Variants in PRKCB observed in about 807,000 individuals in gnomAD.
The protein encoded by PRKCB is protein kinase C beta type.
A neutral mutation model predicts 81.5 loss-of-function variants in PRKCB; 13 were observed. The ratio of observed to expected loss-of-function variants is 0.16; its 90% CI spans 0.10 to 0.25. PRKCB has a LOEUF of 0.25. PRKCB is among the 10% of genes least tolerant of loss of function. The pLI is 1.00. For missense variants in PRKCB, 509 were observed against 875.7 expected, an observed-to-expected ratio of 0.58 and a Z score of 5.29; for synonymous variants, 335 against 321.4, an observed-to-expected ratio of 1.04 and a Z score of -0.45.
chr16:23,880,733 C>T (rs1447655166), intron 2 of PRKCB, among the ~76,000 whole-genome samples: 1 of 151,852 alleles, frequency 6.6e-6, no homozygotes, highest in African/African-American at 2.4e-5. Context: ...ATTTCAGAAG[C>T]AATACATCTT....
intron 5 of PRKCB, among the ~76,000 whole-genome samples, chr16:24,091,954 C>T (rs1179235950): frequency 6.6e-6 from 1 of 152,128 alleles, no homozygotes; most frequent in Non-Finnish European, 1.5e-5. Flanking sequence ...ATAGGTGTAC[C>T]TTGGTTTAGA....
At chr16:24,151,602 G>A (rs1967080595) in intron 9 of PRKCB, 1 of 350,044 alleles carries the variant, frequency 2.9e-6, no homozygotes, top group African/African-American at 2.1e-5. Flanking sequence ...GATTAGAGGA[G>A]GAGATAACAG....
chr16:23,896,305 G>A (rs913122159), intron 2 of PRKCB, among the ~76,000 whole-genome samples: 3 of 151,778 alleles, frequency 2.0e-5, no homozygotes, highest in Non-Finnish European at 4.4e-5. Context: ...ATGTTTTTTG[G>A]ACCCATTTCC....
chr16:24,130,890 C>T (rs1451822203), intron 9 of PRKCB, among the ~76,000 whole-genome samples: 1 of 152,172 alleles, frequency 6.6e-6, no homozygotes, highest in African/African-American at 2.4e-5. Flanking sequence ...GGGTGGATGA[C>T]ACGTCGTCTC....
intron 2 of PRKCB, among the ~76,000 whole-genome samples, chr16:23,863,195 C>T (rs1032461170): frequency 5.2e-4 from 28 of 54,346 alleles, no homozygotes; most frequent in African/African-American, 9.1e-4. Context: ...TACATACATA[C>T]GTATATATGT....
At chr16:24,010,652 G>A (rs182337998) in intron 3 of PRKCB, among the ~76,000 whole-genome samples, 32 of 152,214 alleles carry the variant, frequency 2.1e-4, no homozygotes, top group South Asian at 4.1e-4. Flanking sequence ...TGGCTATAGC[G>A]CCCCCTGCTG....
chr16:23,942,110 T>C (rs1230175810), intron 2 of PRKCB, among the ~76,000 whole-genome samples: 1 of 152,210 alleles, frequency 6.6e-6, no homozygotes, highest in Admixed American at 6.5e-5. Context: ...TCTAACTTGG[T>C]GGATGACATA....
intron 5 of PRKCB, among the ~76,000 whole-genome samples, chr16:24,092,458 T>C (rs546157027): frequency 2.1e-4 from 32 of 152,262 alleles, no homozygotes; most frequent in Non-Finnish European, 4.3e-4. Flanking sequence ...TGCTATAATG[T>C]GGTGAACTTT....
At chr16:24,211,973 A>G (rs1440123471) in intron 16 of PRKCB, among the ~76,000 whole-genome samples, 1 of 152,162 alleles carries the variant, frequency 6.6e-6, no homozygotes, top group Non-Finnish European at 1.5e-5. Context: ...AAGGCTTTGA[A>G]GAAGAGCGTG....
chr16:24,121,716 A>T (rs1966800377), intron 8 of PRKCB, among the ~76,000 whole-genome samples: 1 of 152,248 alleles, frequency 6.6e-6, no homozygotes, highest in South Asian at 2.1e-4. Context: ...CTTCCCTGAT[A>T]TTCAAAACTT....
At chr16:23,853,753 G>C (rs980552459) in intron 2 of PRKCB, among the ~76,000 whole-genome samples, 1 of 151,774 alleles carries the variant, frequency 6.6e-6, no homozygotes, top group Non-Finnish European at 1.5e-5. Flanking sequence ...CTTGTTTTTA[G>C]TTATTAGAAC....
intron 2 of PRKCB, among the ~76,000 whole-genome samples, chr16:23,942,261 T>C (rs1209620956): frequency 6.6e-6 from 1 of 152,242 alleles, no homozygotes; most frequent in Non-Finnish European, 1.5e-5. Flanking sequence ...AACCATGGAT[T>C]GGCAATCTGT....
Position 24,036,228 on chromosome 16 carries a change from G to A in PRKCB, c.529+681G>A, listed in dbSNP as rs182405006. On this transcript the variant is annotated intron_variant, in intron 5 of 16. Coordinates refer to ENST00000643927, the MANE Select transcript of PRKCB (RefSeq NM_002738.7). ...GGAGCTGCTGGTGGTGGTGGTGGTG[G>A]TGGTGGTGGGGCTGTCACTCATGTA... is the stretch of plus-strand genomic sequence containing the variant. 2.4e-3 allele frequency among the ~76,000 whole-genome samples: 365 copies of A among 152,172 alleles called. 1 individual carries two copies. The highest frequency in any genetic ancestry group is 8.3e-3 in the African/African-American group (345 of 41,504).
At chr16:24,113,235 TCTTG>T in intron 8 of PRKCB, among the ~76,000 whole-genome samples, 166 bp downstream of exon 8, 1 of 151,124 alleles carries the variant, frequency 6.6e-6, no homozygotes, top group African/African-American at 2.4e-5. Context: ...TTTCTTTCTT[TCTTG>T]CTTACTTGCT....
intron 5 of PRKCB, among the ~76,000 whole-genome samples, chr16:24,089,315 G>T (rs1380821021): frequency 6.6e-6 from 1 of 152,158 alleles, no homozygotes; most frequent in Non-Finnish European, 1.5e-5. Context: ...AGATACATGT[G>T]TCTCATGAGT....
chr16:23,916,800 C>A (rs1373052704), intron 2 of PRKCB, among the ~76,000 whole-genome samples: 1 of 152,144 alleles, frequency 6.6e-6, no homozygotes, highest in Non-Finnish European at 1.5e-5. Flanking sequence ...GGCTTTGTCA[C>A]CCAGGCTGGA....
intron 9 of PRKCB, among the ~76,000 whole-genome samples, chr16:24,142,405 C>T (rs766079400): frequency 6.6e-6 from 1 of 152,168 alleles, no homozygotes. Flanking sequence ...AGGTTTCTCT[C>T]GAAATCCTGC....
At chr16:24,004,258 G>A (rs1965083192) in intron 3 of PRKCB, among the ~76,000 whole-genome samples, 2 of 151,974 alleles carry the variant, frequency 1.3e-5, no homozygotes, top group African/African-American at 4.8e-5. Flanking sequence ...ACAACTCTTG[G>A]CAGTGTATAA....
intron 2 of PRKCB, among the ~76,000 whole-genome samples, chr16:23,955,981 A>T (rs546613815): frequency 1.3e-5 from 2 of 152,152 alleles, no homozygotes; most frequent in Admixed American, 6.5e-5. Context: ...GACTGTGATG[A>T]TGTATAACTG....
Sources: gnomAD v4.1 joint callset for allele counts (sites outside exome capture counted in the v4.1 genomes callset) on GRCh38, gnomAD v4.1.1 for gene constraint, MANE v1.5 for transcripts, NCBI Gene and HGNC (gene_info 2026-07-23, HGNC 2026-07-21) for gene names.